Variants in FRMPD1 observed in about 807,000 individuals in gnomAD.
FRMPD1 encodes FERM and PDZ domain-containing protein 1.
FRMPD1 carries 76 observed loss-of-function variants against 117.8 expected under a neutral mutation model. That is an observed-to-expected ratio of 0.65 (90% CI 0.54 to 0.78). The LOEUF is 0.78. Ranked by LOEUF, FRMPD1 falls within the 30% of genes least tolerant of loss-of-function variation. The pLI is 0.00. For synonymous variants in FRMPD1, 783 were observed against 770.4 expected (o/e 1.02, Z -0.27); for missense variants, 1,786 against 1,964.5 (o/e 0.91, Z 1.72).
At chr9:37,683,564 G>T (rs1821805320) in intron 1 of FRMPD1, among the ~76,000 whole-genome samples, 1 of 152,220 alleles carries the variant, frequency 6.6e-6, no homozygotes, top group African/African-American at 2.4e-5. Flanking sequence ...AGGGAGTATG[G>T]ACTAGGCAAA....
intron 14 of FRMPD1, among the ~76,000 whole-genome samples, chr9:37,738,837 A>C (rs777117101): frequency 6.6e-6 from 1 of 152,110 alleles, no homozygotes; most frequent in South Asian, 2.1e-4. Flanking sequence ...TTAACCAGGC[A>C]CGGAAAAGGA....
At chr9:37,685,469 C>T (rs1450358526) in intron 1 of FRMPD1, among the ~76,000 whole-genome samples, 1 of 151,856 alleles carries the variant, frequency 6.6e-6, no homozygotes, top group Non-Finnish European at 1.5e-5. Context: ...CGGTGAAACC[C>T]TGTCTCTACT....
the FRMPD1 span, among the ~76,000 whole-genome samples, chr9:37,626,358 A>G: frequency 6.6e-6 from 1 of 151,580 alleles, no homozygotes; most frequent in Non-Finnish European, 1.5e-5. Context: ...TACAAAAATT[A>G]GCTGGGCGTT....
intron 2 of FRMPD1, among the ~76,000 whole-genome samples, chr9:37,698,206 CCAATA>C (rs1822395990): frequency 6.6e-6 from 1 of 152,192 alleles, no homozygotes; most frequent in African/African-American, 2.4e-5. Flanking sequence ...AAATCTTCAT[CCAATA>C]CAAGTTTTTC....
intron 1 of FRMPD1, among the ~76,000 whole-genome samples, chr9:37,656,251 G>A (rs949736174): frequency 7.9e-5 from 12 of 152,312 alleles, no homozygotes; most frequent in African/African-American, 2.9e-4. Flanking sequence ...CTGATGCTTA[G>A]GGGTTGCATA....
In FRMPD1 at chr9:37,744,872, G is replaced by T. The variant is rs373579365; in HGVS notation, c.2840G>T (p.Arg947Leu). The change falls in exon 16 of 16, where the codon CGG becomes CTG. Residue 947 changes from arginine to leucine, a missense_variant. Transcript: ENST00000377765. ...RVSSISAIRFRIDPNNKENSG... is the reference protein window; with the variant it reads ...RVSSISAIRFLIDPNNKENSG... ...TCTTCTATTTCTGCCATTCGCTTCC[G>T]GATTGACCCCAACAATAAAGAGAAT... 6.2e-7 allele frequency: 1 copy of T among 1,614,106 alleles called. No homozygotes were observed. Among genetic ancestry groups the T allele is most frequent in the Admixed American group, 1.7e-5 (1 of 60,026 alleles).
At chr9:37,649,437 AG>A (rs1820600465), upstream of FRMPD1, among the ~76,000 whole-genome samples, 2 of 152,168 alleles carry the variant, frequency 1.3e-5, no homozygotes, top group Non-Finnish European at 2.9e-5. Flanking sequence ...GGAAAGCAAA[AG>A]GCTCACTCAG....
chr9:37,739,584 C>T (rs779185105), intron 14 of FRMPD1, among the ~76,000 whole-genome samples: 2 of 152,160 alleles, frequency 1.3e-5, no homozygotes, highest in Non-Finnish European at 2.9e-5. Context: ...GCCTCGTACT[C>T]GTCATAAAAT....
chr9:37,731,222 T>C, intron 9 of FRMPD1, 119 bp downstream of exon 9: 1 of 845,020 alleles, frequency 1.2e-6, no homozygotes, highest in Non-Finnish European at 2.0e-6. Flanking sequence ...TCTCTTTATC[T>C]GAAGGAGAAT....
chr9:37,722,205 T>C (rs1588957116), intron 6 of FRMPD1, among the ~76,000 whole-genome samples: 1 of 151,962 alleles, frequency 6.6e-6, no homozygotes, highest in East Asian at 1.9e-4. Context: ...ATAAAAATAC[T>C]GTGGTTTTTT....
chr9:37,737,210 AAAC>A lies in FRMPD1; in HGVS notation c.1522_1524del (p.Gln508del), dbSNP rs576127556. ...CTCCATTTTCCTCTGGCCTGGAAAC[AAAC>A]AACAAGCGCACCGGGTATCTGCAGA... On this transcript the variant is annotated inframe_deletion, in exon 14 of 16. Transcript: ENST00000377765. 4.1e-4 allele frequency: 664 copies of A among 1,614,106 alleles called. 6 individuals carry two copies. The highest frequency in any genetic ancestry group is 3.0e-3 in the South Asian group (276 of 91,070).
At position 37,733,476 on chromosome 9, in the gene FRMPD1, A is replaced by G. The variant is rs1442901912; in HGVS notation, c.999A>G (p.Lys333=). The change falls in exon 11 of 16, where the codon AAA becomes AAG. Residue 333 remains lysine, a synonymous_variant. Coordinates refer to ENST00000377765, the MANE Select transcript of FRMPD1 (RefSeq NM_014907.3). The part of the protein sequence containing the change: ...PQKISLKYIE[K]DWGIENFISP... ...TGTCTCCAATGTCTCATGGCAGGAA[A>G]GACTGGGGAATAGAGAACTTTATAT... 1 of 1,613,128 alleles carries G rather than the reference A, an allele frequency of 6.2e-7. No homozygotes were observed. Among genetic ancestry groups the G allele is most frequent in the Admixed American group, 1.7e-5 (1 of 59,804 alleles).
At chr9:37,691,735 C>T (rs904300819) in intron 1 of FRMPD1, among the ~76,000 whole-genome samples, 1 of 152,174 alleles carries the variant, frequency 6.6e-6, no homozygotes. Flanking sequence ...GAAACCCCAT[C>T]TCTACTAAAA....
At chr9:37,646,371 G>A (rs1312865903), upstream of FRMPD1, among the ~76,000 whole-genome samples, 1 of 152,100 alleles carries the variant, frequency 6.6e-6, no homozygotes, top group Non-Finnish European at 1.5e-5. Flanking sequence ...GAATCATGTC[G>A]TTTTAGATCT....
chr9:37,626,622 G>GAAAAAAATAAAAAAAAAA, the FRMPD1 span, among the ~76,000 whole-genome samples: 1 of 48,650 alleles, frequency 2.1e-5, no homozygotes, highest in Non-Finnish European at 3.9e-5. Flanking sequence ...CCTGGTATCT[G>GAAAAAAATAAAAAAAAAA]AAAAAAAAAA....
At chr9:37,634,651 C>G in the FRMPD1 span, among the ~76,000 whole-genome samples, 1 of 151,768 alleles carries the variant, frequency 6.6e-6, no homozygotes, top group Non-Finnish European at 1.5e-5. Context: ...TTTTCTGAAA[C>G]CCATATCTTT....
At chr9:37,689,290 G>A (rs1822052920) in intron 1 of FRMPD1, among the ~76,000 whole-genome samples, 1 of 152,032 alleles carries the variant, frequency 6.6e-6, no homozygotes, top group African/African-American at 2.4e-5. Flanking sequence ...TCATGACAAT[G>A]TAAATATTGT....
chr9:37,674,336 C>T (rs569888426), intron 1 of FRMPD1, among the ~76,000 whole-genome samples: 52 of 152,338 alleles, frequency 3.4e-4, no homozygotes, highest in Admixed American at 9.2e-4. Context: ...TCCTCATCTC[C>T]GTCTGAGACC....
intron 1 of FRMPD1, among the ~76,000 whole-genome samples, chr9:37,667,466 A>G (rs1269921505): frequency 6.7e-6 from 1 of 150,166 alleles, no homozygotes; most frequent in African/African-American, 2.4e-5. Context: ...TGAGGTCAAG[A>G]GTTCAGGACC....
Sources: allele counts gnomAD v4.1 joint callset (sites outside exome capture counted in the v4.1 genomes callset), GRCh38; gene constraint gnomAD v4.1.1; transcripts MANE v1.5; gene names NCBI Gene and HGNC (gene_info 2026-07-23, HGNC 2026-07-21).